Variants in KCNIP4 observed in about 807,000 individuals in gnomAD.
The protein encoded by KCNIP4 is potassium voltage-gated channel interacting protein 4.
KCNIP4 carries 12 observed loss-of-function variants against 34.0 expected under a neutral mutation model. That is an observed-to-expected ratio of 0.35 (90% CI 0.23 to 0.57). The LOEUF is 0.57. KCNIP4 is among the 20% of genes least tolerant of loss of function. The pLI, the probability that KCNIP4 is intolerant of heterozygous loss-of-function variation, is 0.83. For missense variants in KCNIP4, 238 were observed against 311.7 expected (o/e 0.76, Z 1.78); for synonymous variants, 124 against 102.2 (o/e 1.21, Z -1.29).
chr4:20,848,194 CT>C (rs1368030409), intron 3 of KCNIP4, among the ~76,000 whole-genome samples: 1 of 151,802 alleles, frequency 6.6e-6, no homozygotes, highest in African/African-American at 2.4e-5. Context: ...TAAAATAGGC[CT>C]TTGGCATATT....
chr4:21,007,860 C>T (rs538948574), intron 1 of KCNIP4, among the ~76,000 whole-genome samples: 2 of 152,324 alleles, frequency 1.3e-5, no homozygotes, highest in Admixed American at 6.5e-5. Context: ...ACCTGAAGCA[C>T]ACTTGTTTAT....
chr4:21,086,019 C>T (rs376393693), intron 1 of KCNIP4, among the ~76,000 whole-genome samples: 23 of 152,248 alleles, frequency 1.5e-4, no homozygotes, highest in African/African-American at 5.5e-4. Flanking sequence ...TTCCTCTGCT[C>T]CCTCACTGTG....
chr4:21,256,951 A>G (rs147773804), intron 1 of KCNIP4, among the ~76,000 whole-genome samples: 66 of 152,166 alleles, frequency 4.3e-4, no homozygotes, highest in African/African-American at 1.5e-3. Context: ...GTTGTTTTCC[A>G]TTTTACCTAT....
At chr4:20,833,291 T>G (rs1358986207) in intron 3 of KCNIP4, among the ~76,000 whole-genome samples, 2 of 152,162 alleles carry the variant, frequency 1.3e-5, no homozygotes, top group African/African-American at 4.8e-5. Context: ...TTAAAATCTT[T>G]GTCATCAACT....
At chr4:21,608,383 T>A (rs1214319411) in intron 1 of KCNIP4, among the ~76,000 whole-genome samples, 1 of 152,294 alleles carries the variant, frequency 6.6e-6, no homozygotes, top group South Asian at 2.1e-4. Flanking sequence ...TAGTTCCTTG[T>A]GCTGTGCAAC....
chr4:21,404,752 G>C (rs1008388018), intron 1 of KCNIP4, among the ~76,000 whole-genome samples: 8 of 152,076 alleles, frequency 5.3e-5, no homozygotes, highest in African/African-American at 1.9e-4. Flanking sequence ...ATTTTAGTGA[G>C]AAAAAAATTC....
intron 2 of KCNIP4, among the ~76,000 whole-genome samples, chr4:20,860,495 T>C (rs1722081112): frequency 6.6e-6 from 1 of 152,232 alleles, no homozygotes; most frequent in Non-Finnish European, 1.5e-5. Context: ...TTTGTCATTC[T>C]AAAAAGATTA....
chr4:21,713,695 T>C (rs6851124), intron 1 of KCNIP4, among the ~76,000 whole-genome samples: 101,883 of 152,042 alleles, frequency 0.67, 35,718 homozygotes, highest in African/African-American at 0.87. Context: ...AACATTAGAA[T>C]GTATTCCTTC....
chr4:21,874,824 T>C (rs1726014808), intron 1 of KCNIP4, among the ~76,000 whole-genome samples: 1 of 152,320 alleles, frequency 6.6e-6, no homozygotes, highest in African/African-American at 2.4e-5. Flanking sequence ...ATATTTCCCA[T>C]CTGATTCCTG....
intron 1 of KCNIP4, among the ~76,000 whole-genome samples, chr4:21,250,382 G>A (rs750918448): frequency 2.6e-5 from 4 of 151,852 alleles, no homozygotes; most frequent in Admixed American, 6.6e-5. Flanking sequence ...TGAAATTTTC[G>A]TCTTCACAAA....
At chr4:21,333,945 T>C (rs370793689) in intron 1 of KCNIP4, among the ~76,000 whole-genome samples, 1 of 152,178 alleles carries the variant, frequency 6.6e-6, no homozygotes, top group African/African-American at 2.4e-5. Context: ...ACTTTAGTAA[T>C]AGATTACAGG....
At chr4:21,094,517 A>T (rs1747292476) in intron 1 of KCNIP4, among the ~76,000 whole-genome samples, 1 of 152,220 alleles carries the variant, frequency 6.6e-6, no homozygotes, top group South Asian at 2.1e-4. Flanking sequence ...AGTCAGATTT[A>T]GAGTGAGAAC....
intron 1 of KCNIP4, among the ~76,000 whole-genome samples, chr4:21,841,331 A>T (rs1019593188): frequency 6.6e-6 from 1 of 152,110 alleles, no homozygotes; most frequent in African/African-American, 2.4e-5. Flanking sequence ...TCCATATTAT[A>T]CCTAACAGAT....
intron 1 of KCNIP4, among the ~76,000 whole-genome samples, chr4:21,014,680 G>A (rs1386797783): frequency 6.6e-6 from 1 of 152,168 alleles, no homozygotes; most frequent in Non-Finnish European, 1.5e-5. Context: ...ATGTAAAGTG[G>A]TGCAACTGCT....
intron 1 of KCNIP4, among the ~76,000 whole-genome samples, chr4:21,886,779 G>A (rs1578111087): frequency 6.6e-6 from 1 of 151,926 alleles, no homozygotes; most frequent in East Asian, 1.9e-4. Context: ...ACCATGGAGG[G>A]CACACACACA....
chr4:21,749,462 C>T (rs1463795414), intron 1 of KCNIP4, among the ~76,000 whole-genome samples: 1 of 152,126 alleles, frequency 6.6e-6, no homozygotes, highest in African/African-American at 2.4e-5. Context: ...GTGGCAAGTG[C>T]CAATTCCTCA....
chr4:21,205,532 G>A (rs1199465014), intron 1 of KCNIP4, among the ~76,000 whole-genome samples: 1 of 152,170 alleles, frequency 6.6e-6, no homozygotes, highest in Non-Finnish European at 1.5e-5. Context: ...TCTTAGAAAG[G>A]CTGAATAACT....
chr4:20,843,653 C>T (rs1377738746), intron 3 of KCNIP4, among the ~76,000 whole-genome samples: 1 of 152,126 alleles, frequency 6.6e-6, no homozygotes, highest in Non-Finnish European at 1.5e-5. Flanking sequence ...TCCCTTGAAC[C>T]CAGGAGGTGG....
At chr4:21,500,199 C>T (rs183695898) in intron 1 of KCNIP4, among the ~76,000 whole-genome samples, 126 of 152,150 alleles carry the variant, frequency 8.3e-4, no homozygotes, top group Non-Finnish European at 1.2e-3. Flanking sequence ...ACTAGCGTTT[C>T]GAAAAAGCGT....
Sources: gnomAD v4.1 joint callset for allele counts (sites outside exome capture counted in the v4.1 genomes callset) on GRCh38, gnomAD v4.1.1 for gene constraint, MANE v1.5 for transcripts, NCBI Gene and HGNC (gene_info 2026-07-23, HGNC 2026-07-21) for gene names.